Variants in GPC5 observed in about 807,000 individuals in gnomAD.
GPC5 encodes glypican 5.
GPC5 carries 47 observed loss-of-function variants against 53.9 expected under a neutral mutation model. The observed-to-expected ratio is 0.87, with a 90% CI of 0.69 to 1.11. The LOEUF is 1.11. Among genes scored for constraint, GPC5 ranks in the 50% most tolerant of loss-of-function variants. The pLI, the probability that GPC5 is intolerant of heterozygous loss-of-function variation, is 0.00. For missense variants in GPC5, 748 were observed against 713.1 expected (o/e 1.05, Z -0.56); for synonymous variants, 286 against 263.3 (o/e 1.09, Z -0.84).
chr13:92,101,136 T>G (rs2041463412), intron 6 of GPC5, among the ~76,000 whole-genome samples: 1 of 152,176 alleles, frequency 6.6e-6, no homozygotes, highest in Non-Finnish European at 1.5e-5. Flanking sequence ...AATAGCTTAT[T>G]AAAACATCAA....
At chr13:92,809,217 G>A (rs769899104) in intron 7 of GPC5, among the ~76,000 whole-genome samples, 4 of 152,072 alleles carry the variant, frequency 2.6e-5, no homozygotes, top group Non-Finnish European at 5.9e-5. Flanking sequence ...AGCATAACTG[G>A]TATTATGCTG....
intron 7 of GPC5, among the ~76,000 whole-genome samples, chr13:92,231,326 C>T (rs2042528729): frequency 6.6e-6 from 1 of 152,176 alleles, no homozygotes; most frequent in African/African-American, 2.4e-5. Context: ...CATGTTATCT[C>T]TCTTTTGGCA....
chr13:92,329,942 G>GT (rs1566541628), intron 7 of GPC5, among the ~76,000 whole-genome samples: 1 of 151,952 alleles, frequency 6.6e-6, no homozygotes, highest in African/African-American at 2.4e-5. Flanking sequence ...AGGCTTTGAT[G>GT]TTTTTCACTT....
chr13:91,509,707 T>C (rs1885135980), intron 2 of GPC5, among the ~76,000 whole-genome samples: 1 of 152,110 alleles, frequency 6.6e-6, no homozygotes, highest in African/African-American at 2.4e-5. Context: ...GCCATTTTAG[T>C]CACATGGGAA....
At chr13:91,557,864 A>G (rs749174547) in intron 2 of GPC5, among the ~76,000 whole-genome samples, 7 of 152,098 alleles carry the variant, frequency 4.6e-5, no homozygotes, top group Non-Finnish European at 1.0e-4. Context: ...TAGCCGTTTA[A>G]AGCACAGGTT....
chr13:92,619,754 A>C (rs2139112665), intron 7 of GPC5, among the ~76,000 whole-genome samples: 1 of 152,180 alleles, frequency 6.6e-6, no homozygotes, highest in South Asian at 2.1e-4. Flanking sequence ...TAGTCAGGAA[A>C]GTATATTTAA....
At chr13:91,900,818 T>G (rs2138985740) in intron 5 of GPC5, among the ~76,000 whole-genome samples, 1 of 152,244 alleles carries the variant, frequency 6.6e-6, no homozygotes, top group South Asian at 2.1e-4. Context: ...TGATTTTACG[T>G]GTGCAGTCAT....
At chr13:91,552,718 A>T (rs555218413) in intron 2 of GPC5, among the ~76,000 whole-genome samples, 60 of 152,222 alleles carry the variant, frequency 3.9e-4, no homozygotes, top group African/African-American at 1.4e-3. Flanking sequence ...CACCCTGGGC[A>T]GACCAGGTGT....
chr13:92,670,137 T>C (rs1886698613), intron 7 of GPC5, among the ~76,000 whole-genome samples: 1 of 152,142 alleles, frequency 6.6e-6, no homozygotes, highest in African/African-American at 2.4e-5. Context: ...AATGAATTAA[T>C]GGCTGTTGTA....
chr13:92,431,720 G>C (rs1877095067), intron 7 of GPC5, among the ~76,000 whole-genome samples: 1 of 152,096 alleles, frequency 6.6e-6, no homozygotes, highest in South Asian at 2.1e-4. Flanking sequence ...ATCTTGATTA[G>C]AGTAATCAAA....
At chr13:91,810,885 C>G (rs1055857837) in intron 5 of GPC5, among the ~76,000 whole-genome samples, 1 of 149,056 alleles carries the variant, frequency 6.7e-6, no homozygotes, top group Non-Finnish European at 1.5e-5. Flanking sequence ...TGAGGAACAC[C>G]TTTCTTATTT....
intron 2 of GPC5, among the ~76,000 whole-genome samples, chr13:91,508,688 A>G (rs1265446146): frequency 1.3e-5 from 2 of 152,220 alleles, no homozygotes; most frequent in Non-Finnish European, 2.9e-5. Context: ...AACCATGACA[A>G]ATATGCTACA....
intron 7 of GPC5, among the ~76,000 whole-genome samples, chr13:92,386,180 C>T (rs1266742534): frequency 6.6e-6 from 1 of 151,994 alleles, no homozygotes; most frequent in Non-Finnish European, 1.5e-5. Flanking sequence ...CATCCAGAAG[C>T]ATTTTTAAAC....
intron 7 of GPC5, among the ~76,000 whole-genome samples, chr13:92,829,569 G>C (rs949194529): frequency 6.6e-6 from 1 of 152,076 alleles, no homozygotes; most frequent in Non-Finnish European, 1.5e-5. Context: ...TCTTCTATTA[G>C]TCAAAACAGA....
At chr13:92,595,492 G>A (rs1883842005) in intron 7 of GPC5, among the ~76,000 whole-genome samples, 1 of 152,142 alleles carries the variant, frequency 6.6e-6, no homozygotes, top group Admixed American at 6.5e-5. Flanking sequence ...TTTACGGCCG[G>A]GCGCGGTGGC....
At chr13:91,800,781 T>C (rs1427490844) in intron 5 of GPC5, among the ~76,000 whole-genome samples, 1 of 152,124 alleles carries the variant, frequency 6.6e-6, no homozygotes, top group Non-Finnish European at 1.5e-5. Flanking sequence ...TTTTTAGACA[T>C]GGAAGTCTAG....
chr13:92,361,202 G>A (rs1460839567), intron 7 of GPC5, among the ~76,000 whole-genome samples: 1 of 151,658 alleles, frequency 6.6e-6, no homozygotes, highest in Non-Finnish European at 1.5e-5. Flanking sequence ...AAAAAACAAT[G>A]GATGCTAAAG....
At chr13:92,583,075 G>A (rs536228942) in intron 7 of GPC5, among the ~76,000 whole-genome samples, 107 of 144,186 alleles carry the variant, frequency 7.4e-4, no homozygotes, top group African/African-American at 2.6e-3. Context: ...CCTGATCACA[G>A]AGGAAAAGCT....
chr13:92,384,204 G>T (rs370700053), intron 7 of GPC5, among the ~76,000 whole-genome samples: 21 of 151,408 alleles, frequency 1.4e-4, no homozygotes, highest in African/African-American at 4.9e-4. Flanking sequence ...ACTTGGCCAA[G>T]TCTCACAGGA....
Sources: allele counts gnomAD v4.1 joint callset (sites outside exome capture counted in the v4.1 genomes callset), GRCh38; gene constraint gnomAD v4.1.1; transcripts MANE v1.5; gene names NCBI Gene and HGNC (gene_info 2026-07-23, HGNC 2026-07-21).